Variants in UNC5C observed in about 807,000 individuals in gnomAD.
UNC5C encodes the protein netrin receptor UNC5C.
UNC5C carries 47 observed loss-of-function variants against 99.8 expected under a neutral mutation model. The ratio of observed to expected loss-of-function variants is 0.47; its 90% CI spans 0.37 to 0.60. UNC5C has a LOEUF of 0.60. Among genes scored for constraint, UNC5C ranks in the 20% least tolerant of loss-of-function variants. The probability of loss-of-function intolerance (pLI) is 0.00; values close to 1 mark genes in which losing one functional copy is unlikely to be tolerated. For missense variants in UNC5C, 1,062 were observed against 1,165.9 expected (o/e 0.91, Z 1.30); for synonymous variants, 487 against 452.2 (o/e 1.08, Z -0.98).
intron 1 of UNC5C, among the ~76,000 whole-genome samples, chr4:95,427,687 A>G (rs1746522825): frequency 1.3e-5 from 2 of 152,204 alleles, no homozygotes; most frequent in Non-Finnish European, 2.9e-5. Context: ...GACTCAGGAT[A>G]GTGTAAACAT....
intron 1 of UNC5C, among the ~76,000 whole-genome samples, chr4:95,534,436 T>C (rs1722726010): frequency 6.6e-6 from 1 of 152,176 alleles, no homozygotes; most frequent in African/African-American, 2.4e-5. Context: ...TTTTAAAAAA[T>C]ATAAAAGAAA....
intron 12 of UNC5C, among the ~76,000 whole-genome samples, chr4:95,191,274 T>C (rs3796461): frequency 0.75 from 113,962 of 152,144 alleles, 42,959 homozygotes; most frequent in Middle Eastern, 0.85. Flanking sequence ...CCTTCCATGC[T>C]TGGGCAAATT....
In UNC5C at chr4:95,284,486, C is replaced by T. The variant is rs138717345; in HGVS notation, c.491-6124G>A. Among the ~76,000 whole-genome samples, 919 of 152,112 alleles carry T rather than the reference C, an allele frequency of 6.0e-3. 8 individuals are homozygous for T. Among genetic ancestry groups the T allele is most frequent in the African/African-American group, 0.02 (837 of 41,470 alleles). On this transcript the variant is annotated intron_variant, in intron 3 of 15. Coordinates refer to ENST00000453304, the MANE Select transcript of UNC5C (RefSeq NM_003728.4). ...ATTATTTCAAAAGTCAAGGAGTTGA[C>T]GCATCTTTGAAGACAACAGCTTATA... is the stretch of plus-strand genomic sequence containing the variant.
At chr4:95,226,250 T>C (rs376644676) in intron 7 of UNC5C, among the ~76,000 whole-genome samples, 3 of 152,336 alleles carry the variant, frequency 2.0e-5, no homozygotes, top group African/African-American at 7.2e-5. Context: ...TTCAGTGTCA[T>C]GAACATCAGC....
At chr4:95,204,226 G>T (rs1737792080) in intron 11 of UNC5C, among the ~76,000 whole-genome samples, 1 of 152,170 alleles carries the variant, frequency 6.6e-6, no homozygotes, top group South Asian at 2.1e-4. Flanking sequence ...TGGAAGTGAT[G>T]ATTTTTATTT....
chr4:95,276,499 C>T (rs939412956), intron 4 of UNC5C, among the ~76,000 whole-genome samples: 2 of 152,076 alleles, frequency 1.3e-5, no homozygotes, highest in African/African-American at 4.8e-5. Flanking sequence ...AGATCTCCCC[C>T]CACCTAAAGT....
Position 95,515,675 on chromosome 4 carries a change from T to G in UNC5C, c.124+33059A>C, listed in dbSNP as rs77826916. ...ATAGTCAACAGATGTTCAACATAGA[T>G]CCAACAGATCTAAGGGGAAAAAACA... is the stretch of plus-strand genomic sequence containing the variant. On this transcript the variant is annotated intron_variant, in intron 1 of 15. Coordinates refer to ENST00000453304, the MANE Select transcript of UNC5C (RefSeq NM_003728.4). Among the ~76,000 whole-genome samples the G allele has an allele frequency of 5.1e-3, 773 of 152,306 alleles. 16 individuals are homozygous for G. Among genetic ancestry groups the G allele is most frequent in the Admixed American group, 0.036 (548 of 15,288 alleles).
At chr4:95,306,526 T>G (rs1420853662) in intron 2 of UNC5C, among the ~76,000 whole-genome samples, 1 of 152,136 alleles carries the variant, frequency 6.6e-6, no homozygotes, top group African/African-American at 2.4e-5. Flanking sequence ...TAAACATATC[T>G]TGTTTATTAG....
intron 1 of UNC5C, among the ~76,000 whole-genome samples, chr4:95,353,854 T>C (rs1362673164): frequency 6.6e-6 from 1 of 152,094 alleles, no homozygotes; most frequent in Non-Finnish European, 1.5e-5. Flanking sequence ...AAGATTTTCT[T>C]TAAAAATTAA....
chr4:95,465,520 T>C (rs970843299), intron 1 of UNC5C, among the ~76,000 whole-genome samples: 7 of 151,896 alleles, frequency 4.6e-5, no homozygotes, highest in Non-Finnish European at 1.0e-4. Flanking sequence ...AGGTGTTTCT[T>C]TTCTTCCATG....
chr4:95,380,628 CA>C (rs1210830192), intron 1 of UNC5C, among the ~76,000 whole-genome samples: 1 of 151,850 alleles, frequency 6.6e-6, no homozygotes, highest in Non-Finnish European at 1.5e-5. Context: ...CCAGAAAAGA[CA>C]AAAAACAAAA....
intron 14 of UNC5C, among the ~76,000 whole-genome samples, chr4:95,175,051 G>T (rs1401245172): frequency 6.6e-6 from 1 of 151,926 alleles, no homozygotes; most frequent in East Asian, 1.9e-4. Context: ...TTTTATCAGA[G>T]ACTAGGATTG....
At chr4:95,483,519 C>T (rs556122847) in intron 1 of UNC5C, among the ~76,000 whole-genome samples, 40 of 151,870 alleles carry the variant, frequency 2.6e-4, no homozygotes, top group Middle Eastern at 3.4e-3. Flanking sequence ...ATAAGCTTTT[C>T]TCACTTCAAA....
At chr4:95,461,666 A>G (rs1466479825) in intron 1 of UNC5C, among the ~76,000 whole-genome samples, 1 of 152,164 alleles carries the variant, frequency 6.6e-6, no homozygotes, top group Non-Finnish European at 1.5e-5. Flanking sequence ...AACAACAATG[A>G]CAACCCTGGG....
rs1468158809 is a variant in UNC5C, at chr4:95,168,735, CTG to C, written c.*497_*498del. The C allele has an allele frequency of 6.5e-6, 1 of 153,224 alleles. No homozygotes were observed. The highest frequency in any genetic ancestry group is 1.5e-5 in the Non-Finnish European group (1 of 68,454). The allele number at this position is 153,224 out of a possible 1,614,324, so 9.5% of individuals were successfully genotyped here. A position where few individuals can be genotyped will look rare whatever the true frequency, so the allele number is the denominator to read the frequency against. On this transcript the variant is annotated 3_prime_UTR_variant, in exon 16 of 16. Coordinates refer to ENST00000453304, the MANE Select transcript of UNC5C (RefSeq NM_003728.4). ...GATGCACACGATTTGTAGCAAAAGT[CTG>C]TGATTTCTCTGTAAATTACTAATCT...
At chr4:95,350,209 T>C (rs527603055) in intron 1 of UNC5C, among the ~76,000 whole-genome samples, 24 of 152,210 alleles carry the variant, frequency 1.6e-4, no homozygotes, top group Middle Eastern at 3.4e-3. Flanking sequence ...AAGTTCCGGC[T>C]GGGCGCGATG....
chr4:95,329,296 A>C (rs1253687376), intron 2 of UNC5C, among the ~76,000 whole-genome samples: 2 of 152,174 alleles, frequency 1.3e-5, no homozygotes, highest in Non-Finnish European at 2.9e-5. Context: ...TTTCCAGAAA[A>C]ATAAAAAATA....
chr4:95,344,183 A>T (rs1413807504), intron 1 of UNC5C, among the ~76,000 whole-genome samples: 1 of 152,026 alleles, frequency 6.6e-6, no homozygotes, highest in Non-Finnish European at 1.5e-5. Context: ...TAAAAAAAGG[A>T]TCCTAAACGC....
intron 1 of UNC5C, among the ~76,000 whole-genome samples, chr4:95,407,116 G>C (rs1431549299): frequency 6.6e-6 from 1 of 152,094 alleles, no homozygotes; most frequent in Non-Finnish European, 1.5e-5. Context: ...GTAGACAATA[G>C]CAGATTAAGG....
Sources: allele counts gnomAD v4.1 joint callset (sites outside exome capture counted in the v4.1 genomes callset), GRCh38; gene constraint gnomAD v4.1.1; transcripts MANE v1.5; gene names NCBI Gene and HGNC (gene_info 2026-07-23, HGNC 2026-07-21).